DHTKD1: variants seen among roughly 807,000 people sequenced by gnomAD.
DHTKD1 encodes the protein 2-oxoadipate dehydrogenase complex component E1.
Under a neutral mutation model 101.8 loss-of-function variants are expected in DHTKD1, and 78 were observed. That is an observed-to-expected ratio of 0.77 (90% confidence interval 0.64 to 0.93). DHTKD1 has a LOEUF of 0.93. Ranked by LOEUF, DHTKD1 falls within the 40% of genes least tolerant of loss-of-function variation. The probability of loss-of-function intolerance (pLI) is 0.00; values close to 1 mark genes in which losing one functional copy is unlikely to be tolerated. For synonymous variants in DHTKD1, 462 were observed against 450.3 expected (o/e 1.03, Z -0.33); for missense variants, 1,223 against 1,161.7 (o/e 1.05, Z -0.77).
At chr10:12,105,540 A>G (rs1448574815) in intron 10 of DHTKD1, among the ~76,000 whole-genome samples, 1 of 151,292 alleles carries the variant, frequency 6.6e-6, no homozygotes, top group Non-Finnish European at 1.5e-5. Context: ...TTGATCTCAA[A>G]CTCCTGTGCT....
rs1242270835 is a variant in DHTKD1 at position 12,068,984 on chromosome 10, G to A, written c.-50G>A. On this transcript the variant is annotated 5_prime_UTR_variant, in exon 1 of 17. Coordinates refer to ENST00000263035, the MANE Select transcript of DHTKD1 (RefSeq NM_018706.7). ...GTCCCGGATTTACCAGGGCCGGTGG[G>A]ATCCCCTCGGGCTCCCGCCTTAGCA... 1 of 1,606,628 alleles carries A rather than the reference G, an allele frequency of 6.2e-7. No homozygotes were observed. The highest frequency in any genetic ancestry group is 1.1e-5 in the South Asian group (1 of 90,192).
chr10:12,091,493 C>A lies in DHTKD1; in HGVS notation c.988-20C>A. On this transcript the variant is annotated intron_variant, in intron 5 of 16. Coordinates refer to ENST00000263035, the MANE Select transcript of DHTKD1 (RefSeq NM_018706.7). ...TATGTTTCTTTTCTCCCCACCCGCTCCCCTTGCCTCATGATTTAGGTCCAT... is the reference window on the plus strand; with the variant it reads ...TATGTTTCTTTTCTCCCCACCCGCTACCCTTGCCTCATGATTTAGGTCCAT... The A allele has an allele frequency of 6.4e-7, 1 of 1,566,000 alleles. No individual in the cohort carries two copies. The highest frequency in any genetic ancestry group is 8.7e-7 in the Non-Finnish European group (1 of 1,151,186).
chr10:12,106,110 A>G, intron 10 of DHTKD1, 136 bp from the exon 11 acceptor site: 2 of 954,004 alleles, frequency 2.1e-6, no homozygotes, highest in Admixed American at 2.4e-5. Context: ...AGCAGAAACA[A>G]ACAAACAAAA....
At chr10:12,116,370 A>G (rs1238045655) in intron 13 of DHTKD1, 1 of 152,140 alleles carries the variant, frequency 6.6e-6, no homozygotes, top group East Asian at 1.9e-4. Context: ...TGTGCTGCCA[A>G]AATGAGCACA....
At chr10:12,104,218 G>C (rs1833213001) in intron 10 of DHTKD1, among the ~76,000 whole-genome samples, 1 of 152,070 alleles carries the variant, frequency 6.6e-6, no homozygotes, top group Admixed American at 6.6e-5. Flanking sequence ...TTGCTCTGTT[G>C]CCCAGGCTGG....
chr10:12,084,175 G>A (rs1832865643), intron 2 of DHTKD1, among the ~76,000 whole-genome samples: 1 of 152,128 alleles, frequency 6.6e-6, no homozygotes, highest in Non-Finnish European at 1.5e-5. Flanking sequence ...CACCCGCCTT[G>A]CCTCCCAAAG....
intron 13 of DHTKD1, among the ~76,000 whole-genome samples, chr10:12,117,256 C>T (rs1446687501): frequency 6.6e-6 from 1 of 151,434 alleles, no homozygotes; most frequent in African/African-American, 2.4e-5. Context: ...GTGATCCGCC[C>T]ACCTTGGCCT....
chr10:12,069,379 C>T (rs1017178941), intron 1 of DHTKD1, among the ~76,000 whole-genome samples, 192 bp downstream of exon 1: 3 of 152,136 alleles, frequency 2.0e-5, no homozygotes, highest in African/African-American at 7.2e-5. Flanking sequence ...CCCCGTCCAT[C>T]CTCTGTAACT....
intron 10 of DHTKD1, among the ~76,000 whole-genome samples, chr10:12,105,830 T>C (rs536142171): frequency 6.6e-6 from 1 of 152,204 alleles, no homozygotes; most frequent in East Asian, 1.9e-4. Context: ...GCGTGGTGGC[T>C]CATGCTGTAA....
intron 15 of DHTKD1, 79 bp from the exon 16 acceptor site, chr10:12,120,100 CCAT>C (rs1833500436): frequency 1.9e-6 from 2 of 1,051,322 alleles, no homozygotes; most frequent in Non-Finnish European, 2.9e-6. Context: ...GTTGAAAACT[CCAT>C]CGTAGGTGGG....
intron 1 of DHTKD1, among the ~76,000 whole-genome samples, chr10:12,069,440 G>A (rs902436901): frequency 2.0e-5 from 3 of 152,078 alleles, no homozygotes; most frequent in African/African-American, 7.2e-5. Context: ...TGCTGGTCCG[G>A]ACCTGGTTTC....
At chr10:12,075,405 A>AT (rs985050309) in intron 1 of DHTKD1, among the ~76,000 whole-genome samples, 25 of 150,706 alleles carry the variant, frequency 1.7e-4, no homozygotes, top group Non-Finnish European at 2.8e-4. Context: ...CTTGCTTATG[A>AT]TTTTTTTTGT....
chr10:12,106,321 C>A lies in DHTKD1; in HGVS notation c.1972C>A (p.Leu658Met). 6.2e-7 allele frequency: 1 copy of A among 1,614,182 alleles called. No homozygotes were observed. The highest frequency in any genetic ancestry group is 8.5e-7 in the Non-Finnish European group (1 of 1,180,016). ...GATGAGCATTGAGAGCCCAAAGTTA[C>A]TGCCCCTGTGGGAGGCACAGTTTGG... Reference protein sequence around the residue: ...YGMSIESPKLLPLWEAQFGDF... With the variant: ...YGMSIESPKLMPLWEAQFGDF... The change falls in exon 11 of 17, where the codon CTG (leucine) becomes ATG (methionine). Residue 658 changes from leucine to methionine, a missense_variant. Physicochemically the swap from Leu to Met is conservative, Grantham distance 15 (BLOSUM62 2). Transcript: ENST00000263035.
chr10:12,117,304 CTT>C (rs71382683), intron 13 of DHTKD1, among the ~76,000 whole-genome samples: 3,378 of 71,532 alleles, frequency 0.047, 86 homozygotes, highest in South Asian at 0.064. Context: ...GCCACGGCAC[CTT>C]TTTTTTTTTT....
chr10:12,082,177 C>T (rs1053208474), intron 2 of DHTKD1, among the ~76,000 whole-genome samples: 1 of 152,070 alleles, frequency 6.6e-6, no homozygotes, highest in Non-Finnish European at 1.5e-5. Context: ...ATATGCTTAG[C>T]ATATGTCAAT....
intron 1 of DHTKD1, among the ~76,000 whole-genome samples, chr10:12,081,190 C>T (rs868036833): frequency 4.5e-4 from 64 of 142,124 alleles, no homozygotes; most frequent in Non-Finnish European, 8.8e-4. Context: ...AGGAGAATGG[C>T]GTGAACCTGG....
intron 7 of DHTKD1, among the ~76,000 whole-genome samples, chr10:12,094,494 C>G (rs1210944017): frequency 6.6e-6 from 1 of 152,148 alleles, no homozygotes; most frequent in African/African-American, 2.4e-5. Context: ...TGCCACCGTG[C>G]CTGGCTAGTT....
chr10:12,106,548 G>A, intron 11 of DHTKD1, 152 bp downstream of exon 11: 1 of 969,710 alleles, frequency 1.0e-6, no homozygotes, highest in Non-Finnish European at 1.6e-6. Context: ...GTTATGACGG[G>A]AGTGTGGCCA....
Position 12,113,309 on chromosome 10 carries a change from C to T in DHTKD1, c.2319+245C>T, listed in dbSNP as rs147875621. ...GACTCCTGGGTTTAAGCGATTCTCCCGCCTCAGCCTCCCAAGTAGCTGAGA... is the reference window on the plus strand; with the variant it reads ...GACTCCTGGGTTTAAGCGATTCTCCTGCCTCAGCCTCCCAAGTAGCTGAGA... On this transcript the variant is annotated intron_variant, in intron 13 of 16. Transcript: ENST00000263035. Among the ~76,000 whole-genome samples, 704 of 152,204 alleles carry T rather than the reference C, an allele frequency of 4.6e-3. 8 individuals carry two copies. Among genetic ancestry groups the T allele is most frequent in the African/African-American group, 0.015 (636 of 41,538 alleles).
Sources: gnomAD v4.1 joint callset for allele counts (sites outside exome capture counted in the v4.1 genomes callset) on GRCh38, gnomAD v4.1.1 for gene constraint, MANE v1.5 for transcripts, NCBI Gene and HGNC (gene_info 2026-07-23, HGNC 2026-07-21) for gene names.